SON: variants seen among roughly 807,000 people sequenced by gnomAD.
SON encodes SON DNA and RNA binding protein, also known as protein SON.
SON carries 4 observed loss-of-function variants against 173.3 expected under a neutral mutation model. That is an observed-to-expected ratio of 0.02 (90% CI 0.01 to 0.05). The LOEUF is 0.05. SON is among the 10% of genes least tolerant of loss of function. SON has a pLI of 1.00. For missense variants in SON, 2,626 were observed against 3,055.3 expected (o/e 0.86, Z 3.31); for synonymous variants, 1,190 against 1,105.9 (o/e 1.08, Z -1.51).
Position 33,550,494 on chromosome 21 carries a change from T to C in SON, c.1263T>C (p.Ser421=), listed in dbSNP as rs549422866. The C allele has an allele frequency of 8.1e-6, 13 of 1,612,740 alleles. No homozygotes were observed. Among genetic ancestry groups the C allele is most frequent in the African/African-American group, 8.0e-5 (6 of 74,670 alleles). Residue 421 remains serine, a synonymous_variant, in exon 3 of 12, where the codon TCT becomes TCC. Coordinates refer to ENST00000356577, the MANE Select transcript of SON (RefSeq NM_138927.4). ...TGCCAGAGTTGCCAGGGCCCCTTTC[T>C]ACCCCAGTGCCTGAGTTGCCAGGGC... ...TPVPELPGPL[S]TPVPELPGPP...
Position 33,550,169 on chromosome 21 carries a change from C to A in SON, c.938C>A (p.Pro313His). The change falls in exon 3 of 12, where the codon CCT becomes CAT. Residue 313 changes from proline (P) to histidine (H), a missense_variant. Physicochemically the swap from Pro to His is moderately conservative, Grantham distance 77. This residue lies in a region of SON where 757 missense variants were observed against 730.1 expected (regional missense o/e 1.04). Transcript: ENST00000356577. ...ACCCTTGTGGTATCATCAGAGACAC[C>A]TACTGAGGTGTACCCTGAGCCAAGC... The part of the protein sequence containing the change: ...SETLVVSSET[P>H]TEVYPEPSTS... 3.1e-6 allele frequency: 5 copies of A among 1,614,224 alleles called. No individual in the cohort carries two copies. The highest frequency in any genetic ancestry group is 4.2e-6 in the Non-Finnish European group (5 of 1,180,042).
intron 9 of SON, among the ~76,000 whole-genome samples, chr21:33,574,077 G>C (rs1236765940): frequency 1.3e-5 from 2 of 152,288 alleles, no homozygotes; most frequent in Middle Eastern, 3.4e-3. Flanking sequence ...TGTCTTCTAT[G>C]TAGCTTGTAT....
chr21:33,559,779 A>C lies in SON; in HGVS notation c.6657+4A>C, dbSNP rs1163762647. The C allele has an allele frequency of 8.1e-6, 13 of 1,613,144 alleles. No individual in the cohort carries two copies. Among genetic ancestry groups the C allele is most frequent in the Middle Eastern group, 1.7e-4 (1 of 6,052 alleles). ...CAGCAGCAATTTGCCCTCAGAGGTA[A>C]GTAGGAGGAATATTATGTATTTTTC... On this transcript the variant is annotated splice_donor_region_variant and intron_variant, in intron 6 of 11. Coordinates refer to ENST00000356577, the MANE Select transcript of SON (RefSeq NM_138927.4). This position sits in a 1 kb window ranked among gnomAD's most constrained non-coding sequence, Gnocchi z 4.1.
Position 33,565,275 on chromosome 21 carries a change from G to T in SON, c.6658-1882G>T, listed in dbSNP as rs545906263. The stretch of plus-strand genomic sequence containing the variant: ...GTTGGAAATTAGGGATCAGGAGTTG[G>T]GATAGTGGGTAGACACATTTTCCCC... On this transcript the variant is annotated intron_variant, in intron 6 of 11. Coordinates refer to ENST00000356577, the MANE Select transcript of SON (RefSeq NM_138927.4). Among the ~76,000 whole-genome samples the T allele has an allele frequency of 2.7e-4, 41 of 152,262 alleles. 1 individual carries two copies. The South Asian group carries it at 8.5e-3, about 32-fold the overall frequency.
intron 6 of SON, among the ~76,000 whole-genome samples, chr21:33,565,754 TAGAA>T (rs1248514877): frequency 2.0e-5 from 3 of 152,212 alleles, no homozygotes; most frequent in Non-Finnish European, 4.4e-5. Flanking sequence ...TATAGATCTC[TAGAA>T]AGATTTATAT....
chr21:33,575,579 A>AC lies in SON; in HGVS notation c.7034-16dup. 6.3e-7 allele frequency: 1 copy of AC among 1,597,374 alleles called. No individual in the cohort carries two copies. Among genetic ancestry groups the AC allele is most frequent in the Admixed American group, 1.7e-5 (1 of 57,790 alleles). On this transcript the variant is annotated splice_polypyrimidine_tract_variant and intron_variant, in intron 9 of 11. Coordinates refer to ENST00000356577, the MANE Select transcript of SON (RefSeq NM_138927.4). ...TGGTGCTTTGAAATTTATTTAGTGAACAATTTTTTTTTAAAGGTCTTGTTG... is the reference window on the plus strand; with the variant it reads ...TGGTGCTTTGAAATTTATTTAGTGAACCAATTTTTTTTTAAAGGTCTTGTTG...
At chr21:33,572,560 C>T (rs1356624260) in intron 8 of SON, 2 of 1,304,032 alleles carry the variant, frequency 1.5e-6, no homozygotes, top group East Asian at 5.5e-5. Context: ...GGGCCAAATC[C>T]TTGTAGCTGT....
chr21:33,549,178 A>C (rs1385831271), intron 2 of SON, among the ~76,000 whole-genome samples: 1 of 45,726 alleles, frequency 2.2e-5, no homozygotes, highest in Non-Finnish European at 3.7e-5. Context: ...TACTGGGTTC[A>C]AGTGATCCGC....
rs76600419 is a variant in SON at position 33,546,246 on chromosome 21, A to G, written c.111A>G (p.Thr37=). ...GRNEGQLNGE[T]NTPIEGNQAG... is the part of the protein sequence containing the mutation. ...ATGAAGGCCAGCTGAATGGTGAAACAAATACACCCATTGAAGGAAACCAGG... is the reference window on the plus strand; with the variant it reads ...ATGAAGGCCAGCTGAATGGTGAAACGAATACACCCATTGAAGGAAACCAGG... The change falls in exon 2 of 12, where the codon ACA becomes ACG. Residue 37 remains threonine, a synonymous_variant. Coordinates refer to ENST00000356577, the MANE Select transcript of SON (RefSeq NM_138927.4). The G allele has an allele frequency of 3.1e-4, 508 of 1,613,448 alleles. 3 individuals are homozygous for G. In the African/African-American group the frequency reaches 6.2e-3, roughly 20 times the overall value.
intron 4 of SON, chr21:33,558,731 A>G: frequency 6.6e-6 from 1 of 152,134 alleles, no homozygotes; most frequent in Admixed American, 6.5e-5. Context: ...CTTTACTATG[A>G]AAATCTGGCT....
At chr21:33,567,367 G>T (rs573641472) in intron 7 of SON, 100 bp downstream of exon 7, 43 of 710,150 alleles carry the variant, frequency 6.1e-5, no homozygotes, top group Non-Finnish European at 1.1e-4. Context: ...CTAACTAGAT[G>T]GTTGAGTTGT....
chr21:33,572,696 A>G (rs2086310320), intron 8 of SON: 1 of 825,488 alleles, frequency 1.2e-6, no homozygotes, highest in Admixed American at 2.4e-5. Context: ...AAAAGAATTC[A>G]AATTCATTTT....
Position 33,567,102 on chromosome 21 carries a change from C to T in SON, c.6658-55C>T. 5.0e-6 allele frequency: 5 copies of T among 999,592 alleles called. No individual in the cohort carries two copies. In the South Asian group the frequency reaches 8.1e-5, roughly 16 times the overall value. 61.9% of individuals were successfully genotyped at this position (999,592 alleles called of 1,614,324 possible). A position where few individuals can be genotyped will look rare whatever the true frequency, so the allele number is the denominator to read the frequency against. ...AGCAACTAAAGATATGAGTACTTTT[C>T]AGAATTTAGGGGACTATGGTAATTT... On this transcript the variant is annotated intron_variant, in intron 6 of 11. Coordinates refer to ENST00000356577, the MANE Select transcript of SON (RefSeq NM_138927.4).
At position 33,552,921 on chromosome 21, in the gene SON, T is replaced by C. The variant is rs2085843700; in HGVS notation, c.3690T>C (p.Tyr1230=). 1 of 1,614,196 alleles carries C rather than the reference T, an allele frequency of 6.2e-7. No homozygotes were observed. Among genetic ancestry groups the C allele is most frequent in the Non-Finnish European group, 8.5e-7 (1 of 1,180,032 alleles). ...ISEPSAVPTD[Y]SVSASDPSVL... is the part of the protein sequence containing the mutation. ...AGCCTTCAGCAGTGCCTACTGATTA[T>C]TCAGTGTCAGCATCAGATCCCTCAG... Residue 1230 remains tyrosine, a synonymous_variant, in exon 3 of 12, where the codon TAT becomes TAC. Transcript: ENST00000356577. The surrounding 1 kb of genome is among the most constrained non-coding windows in gnomAD (Gnocchi z 5.6).
At chr21:33,567,115 A>T (rs2086190325) in intron 6 of SON, 42 bp from the exon 7 acceptor site, 1 of 1,155,000 alleles carries the variant, frequency 8.7e-7, no homozygotes. Context: ...AATTTAGGGG[A>T]CTATGGTAAT....
At position 33,543,078 on chromosome 21, in the gene SON, A is replaced by G. The variant is rs562606765; in HGVS notation, c.-15A>G. ...AGGACTAGCGAGGAGGAGTTGAGAG[A>G]ACGGAGCGGACGCCATGGCGACCAA... On this transcript the variant is annotated 5_prime_UTR_variant, in exon 1 of 12. Transcript: ENST00000356577. The G allele has an allele frequency of 2.5e-6, 4 of 1,613,834 alleles. No individual in the cohort carries two copies. Among genetic ancestry groups the G allele is most frequent in the Admixed American group, 1.7e-5 (1 of 60,034 alleles).
chr21:33,547,589 A>G (rs2085649333), intron 2 of SON, among the ~76,000 whole-genome samples: 1 of 152,058 alleles, frequency 6.6e-6, no homozygotes, highest in Non-Finnish European at 1.5e-5. Context: ...TGGCTCTAAC[A>G]ACCTTCATTG....
rs1379987976 is a variant in SON, at chr21:33,557,250, T to C, written c.6255T>C (p.Pro2085=). The C allele has an allele frequency of 6.2e-7, 1 of 1,613,662 alleles. No individual in the cohort carries two copies. The highest frequency in any genetic ancestry group is 8.5e-7 in the Non-Finnish European group (1 of 1,179,948). Reference sequence around the variant, plus strand: ...TACCACCAAACCTAAAGCCTGCACCTCCACCTACTATAGAAGAGAAAGTTG... The same window carrying C: ...TACCACCAAACCTAAAGCCTGCACCCCCACCTACTATAGAAGAGAAAGTTG... The part of the protein sequence containing the change: ...VPLPPNLKPA[P]PPTIEEKVAK... Residue 2085 remains proline (P), a synonymous_variant, in exon 4 of 12, where the codon CCT becomes CCC. Transcript: ENST00000356577.
chr21:33,561,582 G>C (rs540831796), intron 6 of SON, among the ~76,000 whole-genome samples: 1 of 152,178 alleles, frequency 6.6e-6, no homozygotes, highest in South Asian at 2.1e-4. Context: ...GTTCAATCAT[G>C]GGGAAAGTGC....
Sources: allele counts gnomAD v4.1 joint callset (sites outside exome capture counted in the v4.1 genomes callset), GRCh38; gene constraint gnomAD v4.1.1; regional missense constraint gnomAD v4.1.1; non-coding constraint Gnocchi (gnomAD v3.1); transcripts MANE v1.5; gene names NCBI Gene and HGNC (gene_info 2026-07-23, HGNC 2026-07-21).